GPR137B: variants seen among roughly 807,000 people sequenced by gnomAD.
The protein encoded by GPR137B is G protein-coupled receptor 137B, also known as integral membrane protein GPR137B.
GPR137B carries 42 observed loss-of-function variants against 42.5 expected under a neutral mutation model. The observed-to-expected ratio is 0.99, with a 90% CI of 0.77 to 1.28. The LOEUF is 1.28. GPR137B is among the 50% of genes most tolerant of loss of function. GPR137B has a pLI of 0.00. For missense variants in GPR137B, 487 were observed against 493.9 expected, an observed-to-expected ratio of 0.99 and a Z score of 0.13; for synonymous variants, 218 against 209.7, an observed-to-expected ratio of 1.04 and a Z score of -0.34.
intron 1 of GPR137B, among the ~76,000 whole-genome samples, chr1:236,145,812 T>G (rs1661666554): frequency 6.6e-6 from 1 of 152,222 alleles, no homozygotes; most frequent in African/African-American, 2.4e-5. Flanking sequence ...ATGGTGGAGC[T>G]GGGATTCAAC....
chr1:236,149,083 C>T (rs1287048335), intron 1 of GPR137B, among the ~76,000 whole-genome samples: 1 of 152,206 alleles, frequency 6.6e-6, no homozygotes, highest in East Asian at 1.9e-4. Flanking sequence ...TGAACCTAGG[C>T]TCTTGCTTCG....
intron 1 of GPR137B, among the ~76,000 whole-genome samples, chr1:236,163,132 T>G (rs1420302117): frequency 6.6e-6 from 1 of 152,214 alleles, no homozygotes; most frequent in Non-Finnish European, 1.5e-5. Flanking sequence ...GATGTGAGAC[T>G]TGGAGTCAAA....
At chr1:236,151,206 A>G (rs1489167452) in intron 1 of GPR137B, among the ~76,000 whole-genome samples, 2 of 152,164 alleles carry the variant, frequency 1.3e-5, no homozygotes, top group African/African-American at 2.4e-5. Flanking sequence ...CTGTTTAGAC[A>G]GTACCTGGGA....
chr1:236,161,681 A>G (rs1347468146), intron 1 of GPR137B, among the ~76,000 whole-genome samples: 2 of 152,140 alleles, frequency 1.3e-5, no homozygotes, highest in Non-Finnish European at 2.9e-5. Context: ...TTCCCATGCT[A>G]TTCTTGTGAT....
intron 5 of GPR137B, among the ~76,000 whole-genome samples, chr1:236,185,839 A>G (rs1294404534): frequency 6.6e-6 from 1 of 152,128 alleles, no homozygotes; most frequent in East Asian, 1.9e-4. Flanking sequence ...ATATTCACAT[A>G]TGTGCAACCA....
chr1:236,151,798 C>A (rs913108346), intron 1 of GPR137B, among the ~76,000 whole-genome samples: 2 of 152,198 alleles, frequency 1.3e-5, no homozygotes, highest in Admixed American at 6.5e-5. Context: ...GGTGAAAAAA[C>A]CCCCATACAC....
At chr1:236,188,471 C>CTCT (rs1291345408) in intron 5 of GPR137B, among the ~76,000 whole-genome samples, 2 of 151,228 alleles carry the variant, frequency 1.3e-5, no homozygotes, top group Non-Finnish European at 3.0e-5. Context: ...TCATAAATAG[C>CTCT]TATTATTTTG....
intron 5 of GPR137B, among the ~76,000 whole-genome samples, chr1:236,203,037 CTCTAT>C (rs1663541477): frequency 6.6e-6 from 1 of 151,906 alleles, no homozygotes; most frequent in Non-Finnish European, 1.5e-5. Context: ...TTTCTGGGGT[CTCTAT>C]TCTGTTCTAT....
intron 2 of GPR137B, 59 bp from the exon 3 acceptor site, chr1:236,178,355 A>G (rs12035044): frequency 0.021 from 20,542 of 983,982 alleles, 298 homozygotes; most frequent in South Asian, 0.028. Flanking sequence ...AACACATCTC[A>G]GTGTCCTTCT....
At chr1:236,195,267 A>C in intron 5 of GPR137B, among the ~76,000 whole-genome samples, 1 of 148,764 alleles carries the variant, frequency 6.7e-6, no homozygotes, top group Non-Finnish European at 1.5e-5. Context: ...CCCCGCCACT[A>C]CCCTTCCCAG....
chr1:236,170,671 AT>A (rs1428771059), intron 2 of GPR137B, among the ~76,000 whole-genome samples: 9 of 152,000 alleles, frequency 5.9e-5, no homozygotes, highest in African/African-American at 2.2e-4. Flanking sequence ...ATTTTTTTGG[AT>A]TTTGAAATAT....
intron 4 of GPR137B, among the ~76,000 whole-genome samples, chr1:236,181,871 T>C (rs1417165208): frequency 6.9e-6 from 1 of 144,488 alleles, no homozygotes; most frequent in African/African-American, 2.6e-5. Context: ...TGTATTGTAG[T>C]AAAATACACA....
intron 5 of GPR137B, among the ~76,000 whole-genome samples, chr1:236,204,766 G>A (rs1165143648): frequency 6.6e-6 from 1 of 152,084 alleles, no homozygotes; most frequent in Non-Finnish European, 1.5e-5. Context: ...TCGGGTTTTA[G>A]TCTTTCCGGT....
intron 2 of GPR137B, among the ~76,000 whole-genome samples, chr1:236,169,523 G>T (rs1053562308): frequency 5.3e-5 from 8 of 152,218 alleles, no homozygotes; most frequent in Non-Finnish European, 4.4e-5. Flanking sequence ...ACAAAGGCTT[G>T]CAGAATCAGG....
intron 5 of GPR137B, among the ~76,000 whole-genome samples, chr1:236,185,531 A>G (rs1212688499): frequency 1.3e-5 from 2 of 152,138 alleles, no homozygotes; most frequent in African/African-American, 4.8e-5. Flanking sequence ...ATCTGAATGA[A>G]CTGTAAAGTT....
At chr1:236,168,867 C>G (rs1662440931) in intron 2 of GPR137B, 112 bp downstream of exon 2, 1 of 814,804 alleles carries the variant, frequency 1.2e-6, no homozygotes, top group Non-Finnish European at 2.2e-6. Context: ...CCGCCGGAAA[C>G]AGTCCTGCCT....
At chr1:236,190,549 T>C (rs547291624) in intron 5 of GPR137B, among the ~76,000 whole-genome samples, 14 of 152,328 alleles carry the variant, frequency 9.2e-5, no homozygotes, top group African/African-American at 3.1e-4. Context: ...TCTCTCAGCA[T>C]TTGCTTGTCT....
rs186176626 is a variant in GPR137B, at chr1:236,166,600, T to G, written c.415-2106T>G. Among the ~76,000 whole-genome samples the G allele has an allele frequency of 2.1e-3, 322 of 150,564 alleles. 4 individuals are homozygous for G. The highest frequency in any genetic ancestry group is 0.019 in the Admixed American group (290 of 15,080). On this transcript the variant is annotated intron_variant, in intron 1 of 6. Coordinates refer to ENST00000366592, the MANE Select transcript of GPR137B (RefSeq NM_003272.4). ...GGATTTATGACAGAGAGAAAACTCA[T>G]AGCAGAACCAAATAATTCTTCTAGA...
chr1:236,178,663 TC>T, intron 3 of GPR137B, 27 bp downstream of exon 3: 6 of 1,370,604 alleles, frequency 4.4e-6, no homozygotes, highest in Non-Finnish European at 6.3e-6. Context: ...TCAAGATCCC[TC>T]CCATGAAACG....
Sources: allele counts gnomAD v4.1 joint callset (sites outside exome capture counted in the v4.1 genomes callset), GRCh38; gene constraint gnomAD v4.1.1; transcripts MANE v1.5; gene names NCBI Gene and HGNC (gene_info 2026-07-23, HGNC 2026-07-21).